The following ZNF560 variants were observed in gnomAD, a reference collection of about 807,000 sequenced individuals.
The protein encoded by ZNF560 is zinc finger protein 560.
In ZNF560, 54 loss-of-function variants were observed where a neutral mutation model predicts 81.8. The observed-to-expected ratio is 0.66, with a 90% confidence interval of 0.53 to 0.83. The LOEUF is 0.83. Ranked by LOEUF, ZNF560 falls within the 40% of genes least tolerant of loss-of-function variation. The pLI is 0.00. For missense variants in ZNF560, 940 were observed against 932.4 expected (o/e 1.01, Z -0.11); for synonymous variants, 321 against 317.9 (o/e 1.01, Z -0.10).
the ZNF560 span, among the ~76,000 whole-genome samples, chr19:9,455,400 C>G: frequency 6.6e-6 from 1 of 152,168 alleles, no homozygotes; most frequent in Non-Finnish European, 1.5e-5. Context: ...ATTCAAGCTG[C>G]CTGCAGTGCA....
chr19:9,485,353 T>G (rs2073368105), intron 2 of ZNF560, among the ~76,000 whole-genome samples: 1 of 152,082 alleles, frequency 6.6e-6, no homozygotes, highest in Non-Finnish European at 1.5e-5. Flanking sequence ...ATCCCTGGAA[T>G]GCACGGATGG....
the ZNF560 span, among the ~76,000 whole-genome samples, chr19:9,457,971 C>T: frequency 6.6e-6 from 1 of 152,152 alleles, no homozygotes; most frequent in African/African-American, 2.4e-5. Context: ...TAGATTTGCT[C>T]ATTTTTCCAA....
At chr19:9,464,246 T>C (rs563605203), downstream of ZNF560, among the ~76,000 whole-genome samples, 1 of 152,334 alleles carries the variant, frequency 6.6e-6, no homozygotes, top group Non-Finnish European at 1.5e-5. Context: ...CAGGAGTTTT[T>C]CTGTTTTCAT....
the ZNF560 span, among the ~76,000 whole-genome samples, chr19:9,506,572 C>T: frequency 6.6e-6 from 1 of 151,990 alleles, no homozygotes; most frequent in Non-Finnish European, 1.5e-5. Flanking sequence ...ATATACTTAC[C>T]TTTACTAGAG....
chr19:9,448,811 C>T, the ZNF560 span, among the ~76,000 whole-genome samples: 1 of 152,082 alleles, frequency 6.6e-6, no homozygotes, highest in Admixed American at 6.5e-5. Context: ...ACATATGAGA[C>T]ACCCATGGAC....
chr19:9,454,064 G>A, the ZNF560 span, among the ~76,000 whole-genome samples: 1 of 152,182 alleles, frequency 6.6e-6, no homozygotes, highest in Non-Finnish European at 1.5e-5. Context: ...GCCCACCCAG[G>A]GCGGAAAACT....
At chr19:9,462,505 C>T (rs1160755775), downstream of ZNF560, among the ~76,000 whole-genome samples, 3 of 152,160 alleles carry the variant, frequency 2.0e-5, no homozygotes, top group Admixed American at 6.5e-5. Flanking sequence ...AGGCTGTTAG[C>T]CCCCTGATCC....
chr19:9,447,076 G>A, the ZNF560 span, among the ~76,000 whole-genome samples: 17 of 150,474 alleles, frequency 1.1e-4, no homozygotes, highest in Admixed American at 1.1e-3. Flanking sequence ...GGAGGTTGCA[G>A]TGGGCCAAGA....
rs2073048700 is a variant in ZNF560, at chr19:9,467,610, G to A, written c.1337C>T (p.Ser446Phe). The A allele has an allele frequency of 6.2e-7, 1 of 1,613,912 alleles. No individual in the cohort carries two copies. The highest frequency in any genetic ancestry group is 1.3e-5 in the African/African-American group (1 of 74,990). Reference sequence around the variant, plus strand: ...ATGAACTCTCAAATGTCCAAAAAGAGATGGGTAAGAAATAAAGGCTTTCCC... The same window carrying A: ...ATGAACTCTCAAATGTCCAAAAAGAAATGGGTAAGAAATAAAGGCTTTCCC... ...HCGKAFISYP[S>F]LFGHLRVHNG... Residue 446 changes from serine to phenylalanine, a missense_variant, in exon 10 of 10, where the codon TCT (serine) becomes TTT (phenylalanine). By Grantham distance (155) the Ser-to-Phe change is radical. Coordinates refer to ENST00000301480, the MANE Select transcript of ZNF560 (RefSeq NM_152476.3).
chr19:9,474,123 A>G (rs577985892), intron 4 of ZNF560, 76 bp downstream of exon 4: 2 of 1,558,598 alleles, frequency 1.3e-6, no homozygotes, highest in East Asian at 2.2e-5. Context: ...TGTTGAACAA[A>G]CCAATTCTGG....
chr19:9,506,690 T>A, the ZNF560 span, among the ~76,000 whole-genome samples: 1 of 152,166 alleles, frequency 6.6e-6, no homozygotes, highest in Non-Finnish European at 1.5e-5. Flanking sequence ...TTTATTTATT[T>A]ATTTGAGACA....
chr19:9,479,232 C>T lies in ZNF560; in HGVS notation c.-56-3863G>A, dbSNP rs531868068. 7.3e-5 allele frequency among the ~76,000 whole-genome samples: 11 copies of T among 150,092 alleles called. 1 individual carries two copies. The highest frequency in any genetic ancestry group is 1.6e-4 in the Non-Finnish European group (11 of 67,650). ...ATTAACAAAATGGCAGTAGTAAGTA[C>T]CTACCTACAATGATTACTCTGAATG... On this transcript the variant is annotated intron_variant, in intron 2 of 9. Transcript: ENST00000301480.
the ZNF560 span, among the ~76,000 whole-genome samples, chr19:9,457,173 G>A: frequency 5.3e-5 from 8 of 152,150 alleles, no homozygotes; most frequent in African/African-American, 9.7e-5. Flanking sequence ...CCCAGTTTTC[G>A]TAATTAAGAC....
At chr19:9,461,402 C>G (rs1379123545), downstream of ZNF560, among the ~76,000 whole-genome samples, 1 of 152,160 alleles carries the variant, frequency 6.6e-6, no homozygotes, top group Non-Finnish European at 1.5e-5. Flanking sequence ...TGGGAACCCT[C>G]TCCCTCTGTA....
At chr19:9,493,659 G>A (rs2073507831) in intron 2 of ZNF560, among the ~76,000 whole-genome samples, 1 of 151,608 alleles carries the variant, frequency 6.6e-6, no homozygotes, top group South Asian at 2.1e-4. Flanking sequence ...CCCAGCCCCA[G>A]GTTTTCTCTT....
chr19:9,503,945 T>C, the ZNF560 span, among the ~76,000 whole-genome samples: 1 of 152,170 alleles, frequency 6.6e-6, no homozygotes, highest in East Asian at 1.9e-4. Flanking sequence ...AATTAACATA[T>C]CCACCACCTC....
chr19:9,494,928 C>CA, intron 2 of ZNF560, among the ~76,000 whole-genome samples: 1 of 151,018 alleles, frequency 6.6e-6, no homozygotes, highest in Admixed American at 6.6e-5. Context: ...ACAAACAAAA[C>CA]AAACAAACAA....
the ZNF560 span, among the ~76,000 whole-genome samples, chr19:9,450,311 G>C: frequency 2.0e-5 from 3 of 150,432 alleles, no homozygotes; most frequent in South Asian, 4.2e-4. Flanking sequence ...ACTGAAAAAA[G>C]AAAAGGATGC....
intron 7 of ZNF560, 116 bp from the exon 8 acceptor site, chr19:9,469,826 A>G: frequency 1.3e-6 from 1 of 774,536 alleles, no homozygotes; most frequent in Non-Finnish European, 2.2e-6. Flanking sequence ...TAAATTGCAT[A>G]TATCCCATCT....
Sources: gnomAD v4.1 joint callset for allele counts (sites outside exome capture counted in the v4.1 genomes callset) on GRCh38, gnomAD v4.1.1 for gene constraint, MANE v1.5 for transcripts, NCBI Gene and HGNC (gene_info 2026-07-23, HGNC 2026-07-21) for gene names.